The following ATG10 variants were observed in gnomAD, a reference collection of about 807,000 sequenced individuals.
The protein encoded by ATG10 is ubiquitin-like-conjugating enzyme ATG10.
ATG10 carries 30 observed loss-of-function variants against 32.1 expected under a neutral mutation model. The observed-to-expected ratio is 0.94, with a 90% CI of 0.70 to 1.27. The LOEUF is 1.27. ATG10 is among the 50% of genes most tolerant of loss of function. The pLI is 0.00. For missense variants in ATG10, 233 were observed against 262.3 expected (o/e 0.89, Z 0.77); for synonymous variants, 87 against 91.5 (o/e 0.95, Z 0.28).
chr5:82,202,452 C>T (rs1057281823), intron 5 of ATG10, among the ~76,000 whole-genome samples: 13 of 152,206 alleles, frequency 8.5e-5, no homozygotes, highest in East Asian at 1.9e-4. Flanking sequence ...GCCAGACATC[C>T]GCAATCATGT....
rs907975530 is a variant in ATG10 at position 82,166,415 on chromosome 5, G to C, written c.355+1878G>C. On this transcript the variant is annotated intron_variant, in intron 4 of 7. Transcript: ENST00000282185. ...TTGGCCCAGAATTCATTTAGTGCTT[G>C]TTCAGGTACATTAAAATATCAAATT... Among the ~76,000 whole-genome samples the C allele has an allele frequency of 2.2e-4, 33 of 152,150 alleles. 2 individuals are homozygous for C. The highest frequency in any genetic ancestry group is 5.9e-5 in the Non-Finnish European group (4 of 68,024).
intron 2 of ATG10, among the ~76,000 whole-genome samples, chr5:82,016,185 A>G (rs1011737245): frequency 1.3e-5 from 2 of 152,054 alleles, no homozygotes; most frequent in Non-Finnish European, 1.5e-5. Context: ...GGTTTTTCCA[A>G]TGTTCTGGAA....
chr5:82,194,173 T>C (rs1008612459), intron 5 of ATG10, among the ~76,000 whole-genome samples: 1 of 152,172 alleles, frequency 6.6e-6, no homozygotes, highest in East Asian at 1.9e-4. Flanking sequence ...ATTATTTGTG[T>C]GTGTTAGGGT....
chr5:82,028,341 C>G (rs1405227340), intron 2 of ATG10, among the ~76,000 whole-genome samples: 2 of 152,022 alleles, frequency 1.3e-5, no homozygotes, highest in African/African-American at 2.4e-5. Flanking sequence ...TAAAGAAGTA[C>G]CAAAACAAAT....
At position 82,148,558 on chromosome 5, in the gene ATG10, C is replaced by CT. The variant is rs557628049; in HGVS notation, c.217-15838dup. Among the ~76,000 whole-genome samples, 8 of 152,256 alleles carry CT rather than the reference C, an allele frequency of 5.3e-5. No individual in the cohort carries two copies. In the East Asian group the frequency reaches 1.5e-3, roughly 29 times the overall value. ...GAATATATATTTCTAAAAACTCTTA[C>CT]TTTGACATTTATATCCCCTCAAGCT... On this transcript the variant is annotated intron_variant, in intron 3 of 7. Transcript: ENST00000282185.
intron 1 of ATG10, among the ~76,000 whole-genome samples, chr5:81,978,757 C>A (rs1044969904): frequency 4.6e-5 from 7 of 151,964 alleles, no homozygotes; most frequent in Non-Finnish European, 1.0e-4. Context: ...AATTCCTAGC[C>A]TCAAGTGATC....
intron 5 of ATG10, among the ~76,000 whole-genome samples, chr5:82,197,702 T>TTTTCTTTC (rs71605825): frequency 5.6e-4 from 82 of 147,742 alleles, no homozygotes; most frequent in African/African-American, 1.9e-3. Context: ...TGTCCCATTA[T>TTTTCTTTC]TTTCTTTCTT....
At chr5:82,061,116 A>G (rs1763755522) in intron 3 of ATG10, among the ~76,000 whole-genome samples, 1 of 152,124 alleles carries the variant, frequency 6.6e-6, no homozygotes, top group Admixed American at 6.6e-5. Context: ...TTACTGCTGT[A>G]GCTCTGGTAG....
rs1428190111 is a variant in ATG10, at chr5:82,256,124, TAATG to T, written c.*2062_*2065del. On this transcript the variant is annotated 3_prime_UTR_variant, in exon 8 of 8. Coordinates refer to ENST00000282185, the MANE Select transcript of ATG10 (RefSeq NM_031482.5). Reference sequence around the variant, plus strand: ...ATTTCTAGTGTAAAATAAATTATAATAATGTGTCATCTGAATGGTGTTCTTGTCT... The same window carrying T: ...ATTTCTAGTGTAAAATAAATTATAATTGTCATCTGAATGGTGTTCTTGTCT... 1 of 152,212 alleles carries T rather than the reference TAATG, an allele frequency of 6.6e-6. No individual in the cohort carries two copies. The highest frequency in any genetic ancestry group is 1.5e-5 in the Non-Finnish European group (1 of 68,042). The allele number at this position is 152,212 out of a possible 1,614,324, so 9.4% of individuals were successfully genotyped here. A position where few individuals can be genotyped will look rare whatever the true frequency, so the allele number is the denominator to read the frequency against.
intron 5 of ATG10, among the ~76,000 whole-genome samples, chr5:82,232,713 T>G (rs1205968066): frequency 6.6e-6 from 1 of 152,172 alleles, no homozygotes; most frequent in African/African-American, 2.4e-5. Context: ...TTCCTGCCTC[T>G]TTTGCTTTCT....
At chr5:82,100,000 G>GGT (rs1765206299) in intron 3 of ATG10, among the ~76,000 whole-genome samples, 2 of 58,956 alleles carry the variant, frequency 3.4e-5, no homozygotes, top group East Asian at 5.2e-4. Flanking sequence ...CTTTTTCTGT[G>GGT]TTTTTTTTTT....
intron 2 of ATG10, chr5:81,992,267 G>A (rs1010360370): frequency 2.0e-5 from 3 of 152,048 alleles, no homozygotes; most frequent in Non-Finnish European, 4.4e-5. Context: ...TGGGATTACA[G>A]GTGTGAGCCA....
intron 3 of ATG10, among the ~76,000 whole-genome samples, chr5:82,076,114 T>C (rs1187972890): frequency 6.6e-6 from 1 of 152,210 alleles, no homozygotes; most frequent in South Asian, 2.1e-4. Context: ...TATATTTTGC[T>C]TAATTTCATT....
At chr5:82,103,001 G>A (rs940141199) in intron 3 of ATG10, among the ~76,000 whole-genome samples, 10 of 151,986 alleles carry the variant, frequency 6.6e-5, no homozygotes, top group Middle Eastern at 6.8e-3. Context: ...TTTTTTTTAG[G>A]GTGGAGATTA....
intron 2 of ATG10, among the ~76,000 whole-genome samples, chr5:82,012,122 C>T (rs1762142665): frequency 6.6e-6 from 1 of 152,166 alleles, no homozygotes; most frequent in South Asian, 2.1e-4. Flanking sequence ...GTAGAACCAC[C>T]ATACTGACCC....
intron 2 of ATG10, among the ~76,000 whole-genome samples, chr5:81,998,801 C>T (rs1405045420): frequency 1.3e-5 from 2 of 152,124 alleles, no homozygotes; most frequent in Non-Finnish European, 2.9e-5. Flanking sequence ...AAGGATATTA[C>T]ATAATGGTAA....
intron 5 of ATG10, among the ~76,000 whole-genome samples, chr5:82,203,198 A>C (rs1412660233): frequency 6.6e-6 from 1 of 151,926 alleles, no homozygotes; most frequent in Non-Finnish European, 1.5e-5. Context: ...ACTGCACTCC[A>C]GTCTGGGTGA....
chr5:82,055,158 G>T (rs542751143), intron 2 of ATG10, among the ~76,000 whole-genome samples: 69 of 152,190 alleles, frequency 4.5e-4, no homozygotes, highest in African/African-American at 1.6e-3. Context: ...ATCTAGTTCT[G>T]TGGAAGTCTT....
intron 3 of ATG10, among the ~76,000 whole-genome samples, chr5:82,096,523 T>C (rs1281999603): frequency 1.3e-5 from 2 of 152,276 alleles, no homozygotes; most frequent in Non-Finnish European, 2.9e-5. Flanking sequence ...CTTCCATTAC[T>C]GTATTTCCTT....
Sources: allele counts gnomAD v4.1 joint callset (sites outside exome capture counted in the v4.1 genomes callset), GRCh38; gene constraint gnomAD v4.1.1; transcripts MANE v1.5; gene names NCBI Gene and HGNC (gene_info 2026-07-23, HGNC 2026-07-21).